Variants in TAC1 observed in about 807,000 individuals in gnomAD.
TAC1 encodes tachykinin precursor 1.
Under a neutral mutation model 21.7 loss-of-function variants are expected in TAC1, and 12 were observed. The observed-to-expected ratio is 0.55, with a 90% CI of 0.35 to 0.89. TAC1 has a LOEUF of 0.89. Ranked by LOEUF, TAC1 falls within the 40% of genes least tolerant of loss-of-function variation. The probability of loss-of-function intolerance (pLI) is 0.01; values close to 1 mark genes in which losing one functional copy is unlikely to be tolerated. For missense variants in TAC1, 128 were observed against 151.4 expected (o/e 0.85, Z 0.81); for synonymous variants, 52 against 52.0 (o/e 1.00, Z 0.00).
rs1789460655 is a variant in TAC1, at chr7:97,732,595, C to G, written c.-9-9C>G. ...CTCTTTGGTGTCTTCTCCTCCTACC[C>G]CTTCCCAGAAATCCAACATGAAAAT... On this transcript the variant is annotated splice_polypyrimidine_tract_variant and intron_variant, in intron 1 of 6. Coordinates refer to ENST00000319273, the MANE Select transcript of TAC1 (RefSeq NM_003182.3). This position sits in a 1 kb window ranked among gnomAD's most constrained non-coding sequence, Gnocchi z 6.2. The G allele has an allele frequency of 1.9e-6, 3 of 1,614,038 alleles. No individual in the cohort carries two copies. Among genetic ancestry groups the G allele is most frequent in the South Asian group, 1.1e-5 (1 of 91,072 alleles).
Position 97,734,302 on chromosome 7 carries a change from C to T in TAC1, c.265+10C>T. On this transcript the variant is annotated intron_variant, in intron 4 of 6. Transcript: ENST00000319273. The stretch of plus-strand genomic sequence containing the variant: ...TTAAAGGCTCTTTATGGTAAACATT[C>T]CTATAAATCTTTATTTTACTATTGT... The T allele has an allele frequency of 6.2e-7, 1 of 1,608,902 alleles. No individual in the cohort carries two copies. Among genetic ancestry groups the T allele is most frequent in the Non-Finnish European group, 8.5e-7 (1 of 1,175,842 alleles).
At chr7:97,735,088 A>G (rs1584417132) in intron 5 of TAC1, among the ~76,000 whole-genome samples, 1 of 152,242 alleles carries the variant, frequency 6.6e-6, no homozygotes, top group Non-Finnish European at 1.5e-5. Flanking sequence ...AGTCCCTTCA[A>G]TTGTTAGTTT....
chr7:97,736,406 T>C (rs899766346), intron 6 of TAC1, 54 bp downstream of exon 6: 44 of 1,484,400 alleles, frequency 3.0e-5, no homozygotes, highest in Non-Finnish European at 4.1e-5. Context: ...TATTTCTATT[T>C]TTTCTAAGAC....
In TAC1 at chr7:97,733,724, A is replaced by G. The variant is rs1336237071; in HGVS notation, c.125A>G (p.Glu42Gly). 6 of 1,613,684 alleles carry G rather than the reference A, an allele frequency of 3.7e-6. No homozygotes were observed. The African/African-American group carries it at 6.7e-5, about 18-fold the overall frequency. Residue 42 changes from glutamate to glycine, a missense_variant and splice_region_variant, in exon 3 of 7, where the codon GAG becomes GGG. Coordinates refer to ENST00000319273, the MANE Select transcript of TAC1 (RefSeq NM_003182.3). ...TTTGTCCGTGCTTTTGTCTCCCAGG[A>G]GGAACTGCCGGAGCCCTTTGAGCAT... ...SDWYDSDQIKEELPEPFEHLL... is the reference protein window; with the variant it reads ...SDWYDSDQIKGELPEPFEHLL...
In TAC1 at chr7:97,732,975, GGATGCC is replaced by G; in HGVS notation, c.123+241_123+246del. 1 of 429,324 alleles carries G rather than the reference GGATGCC, an allele frequency of 2.3e-6. No homozygotes were observed. The highest frequency in any genetic ancestry group is 4.1e-6 in the Non-Finnish European group (1 of 241,608). 26.6% of individuals were successfully genotyped at this position (429,324 alleles called of 1,614,324 possible). ...CCGGCCCAGGAACTCCCTGCAGTAG[GGATGCC>G]CTCCCGGATGAGCCCGAGATCCTCA... On this transcript the variant is annotated intron_variant, in intron 2 of 6. Transcript: ENST00000319273. The surrounding 1 kb of genome is among the most constrained non-coding windows in gnomAD (Gnocchi z 6.2).
At position 97,732,971 on chromosome 7, in the gene TAC1, G is replaced by GT. The variant is rs1789469941; in HGVS notation, c.123+237dup. 1.0e-5 allele frequency: 5 copies of GT among 489,018 alleles called. No individual in the cohort carries two copies. Among genetic ancestry groups the GT allele is most frequent in the Non-Finnish European group, 1.8e-5 (5 of 275,456 alleles). The allele number at this position is 489,018 out of a possible 1,614,324, so 30.3% of individuals were successfully genotyped here. ...CCGTCCGGCCCAGGAACTCCCTGCA[G>GT]TAGGGATGCCCTCCCGGATGAGCCC... On this transcript the variant is annotated intron_variant, in intron 2 of 6. Transcript: ENST00000319273. The surrounding 1 kb of genome is among the most constrained non-coding windows in gnomAD (Gnocchi z 6.2).
intron 6 of TAC1, among the ~76,000 whole-genome samples, chr7:97,737,872 C>CAAATTGT (rs1789612194): frequency 2.0e-5 from 3 of 151,942 alleles, no homozygotes; most frequent in Non-Finnish European, 4.4e-5. Flanking sequence ...ACATACTAGT[C>CAAATTGT]CTCACTTAAT....
chr7:97,734,758 T>C, intron 4 of TAC1, 68 bp from the exon 5 acceptor site: 1 of 1,170,648 alleles, frequency 8.5e-7, no homozygotes, highest in Non-Finnish European at 1.2e-6. Context: ...AATTATTTTA[T>C]AAAAGATATA....
intron 6 of TAC1, among the ~76,000 whole-genome samples, 163 bp downstream of exon 6, chr7:97,736,515 C>G (rs1707028271): frequency 6.6e-6 from 1 of 152,032 alleles, no homozygotes. Context: ...GGATTTATAG[C>G]TGGTTAAGCT....
Position 97,732,918 on chromosome 7 carries a change from C to T in TAC1, c.123+183C>T, listed in dbSNP as rs968833540. On this transcript the variant is annotated intron_variant, in intron 2 of 6. Coordinates refer to ENST00000319273, the MANE Select transcript of TAC1 (RefSeq NM_003182.3). The surrounding 1 kb of genome is among the most constrained non-coding windows in gnomAD (Gnocchi z 6.2). ...GGTTCCCCACGGGATTTTGTGCCCA[C>T]GATTCAAGTTTCTTCCCGAGGGCTG... The T allele has an allele frequency of 1.2e-6, 1 of 819,316 alleles. No individual in the cohort carries two copies. The highest frequency in any genetic ancestry group is 1.7e-5 in the African/African-American group (1 of 57,960). 50.8% of individuals were successfully genotyped at this position (819,316 alleles called of 1,614,324 possible).
chr7:97,733,557 G>A (rs940077330), intron 2 of TAC1, among the ~76,000 whole-genome samples, 166 bp from the exon 3 acceptor site: 1 of 151,656 alleles, frequency 6.6e-6, no homozygotes, highest in African/African-American at 2.4e-5. Flanking sequence ...GGCGGGGAGG[G>A]GCGCAGAGAG....
chr7:97,732,969 C>T lies in TAC1; in HGVS notation c.123+234C>T. 4.0e-6 allele frequency: 2 copies of T among 497,664 alleles called. No homozygotes were observed. Among genetic ancestry groups the T allele is most frequent in the East Asian group, 3.3e-5 (1 of 30,396 alleles). The allele number at this position is 497,664 out of a possible 1,614,324, so 30.8% of individuals were successfully genotyped here. A position where few individuals can be genotyped will look rare whatever the true frequency, so the allele number is the denominator to read the frequency against. On this transcript the variant is annotated intron_variant, in intron 2 of 6. Transcript: ENST00000319273. This position sits in a 1 kb window ranked among gnomAD's most constrained non-coding sequence, Gnocchi z 6.2. ...CACCGTCCGGCCCAGGAACTCCCTG[C>T]AGTAGGGATGCCCTCCCGGATGAGC...
chr7:97,732,876 A>G lies in TAC1; in HGVS notation c.123+141A>G. ...AGCGGTTGCGTGCGAGAGGATGGAA[A>G]GGGGCACTATTTCCCGGGTTCCCCA... On this transcript the variant is annotated intron_variant, in intron 2 of 6. Coordinates refer to ENST00000319273, the MANE Select transcript of TAC1 (RefSeq NM_003182.3). This position sits in a 1 kb window ranked among gnomAD's most constrained non-coding sequence, Gnocchi z 6.2. 8.9e-7 allele frequency: 1 copy of G among 1,127,054 alleles called. No homozygotes were observed. Among genetic ancestry groups the G allele is most frequent in the Non-Finnish European group, 1.2e-6 (1 of 810,236 alleles). The allele number at this position is 1,127,054 out of a possible 1,614,324, so 69.8% of individuals were successfully genotyped here. A position where few individuals can be genotyped will look rare whatever the true frequency, so the allele number is the denominator to read the frequency against.
chr7:97,738,166 G>A lies in TAC1; in HGVS notation c.344-1708G>A, dbSNP rs80077844. 5.1e-3 allele frequency among the ~76,000 whole-genome samples: 774 copies of A among 152,082 alleles called. 7 individuals are homozygous for A. The highest frequency in any genetic ancestry group is 0.018 in the African/African-American group (756 of 41,538). On this transcript the variant is annotated intron_variant, in intron 6 of 6. Coordinates refer to ENST00000319273, the MANE Select transcript of TAC1 (RefSeq NM_003182.3). ...ATGTGATATGATCCACAGTCAATCA[G>A]GGATCTTTTTATGTACCTCATTGAG...
intron 2 of TAC1, 125 bp from the exon 3 acceptor site, chr7:97,733,598 C>G: frequency 1.2e-6 from 1 of 842,912 alleles, no homozygotes; most frequent in Admixed American, 2.3e-5. Flanking sequence ...CCGCTCAGCC[C>G]GAGCGTGGGG....
chr7:97,732,379 G>C lies in TAC1; in HGVS notation c.-10+184G>C, dbSNP rs1789455091. ...CTGGTTTGAAGGTGTGGGTTGGTGGGTTAGGGGGCTGGGGGAGTTGGGATT... is the reference window on the plus strand; with the variant it reads ...CTGGTTTGAAGGTGTGGGTTGGTGGCTTAGGGGGCTGGGGGAGTTGGGATT... On this transcript the variant is annotated intron_variant, in intron 1 of 6. Coordinates refer to ENST00000319273, the MANE Select transcript of TAC1 (RefSeq NM_003182.3). The surrounding 1 kb of genome is among the most constrained non-coding windows in gnomAD (Gnocchi z 6.2). 6.6e-6 allele frequency among the ~76,000 whole-genome samples: 1 copy of C among 152,184 alleles called. No individual in the cohort carries two copies. Among genetic ancestry groups the C allele is most frequent in the Non-Finnish European group, 1.5e-5 (1 of 68,026 alleles).
intron 5 of TAC1, among the ~76,000 whole-genome samples, chr7:97,735,480 T>C (rs1302735063): frequency 1.3e-5 from 2 of 152,190 alleles, no homozygotes; most frequent in African/African-American, 4.8e-5. Context: ...TCTCAGTTAA[T>C]GGAACCGGAG....
intron 6 of TAC1, among the ~76,000 whole-genome samples, chr7:97,737,673 C>T (rs939302006): frequency 2.0e-5 from 3 of 151,924 alleles, no homozygotes; most frequent in Admixed American, 6.6e-5. Flanking sequence ...ATTGGGTCCC[C>T]ACTTTCTATT....
intron 3 of TAC1, 174 bp downstream of exon 3, chr7:97,733,993 G>T (rs925190295): frequency 2.0e-5 from 14 of 716,128 alleles, no homozygotes; most frequent in South Asian, 5.6e-5. Context: ...GGGCCCGCGG[G>T]GGGAGGGAAA....
Sources: allele counts gnomAD v4.1 joint callset (sites outside exome capture counted in the v4.1 genomes callset), GRCh38; gene constraint gnomAD v4.1.1; non-coding constraint Gnocchi (gnomAD v3.1); transcripts MANE v1.5; gene names NCBI Gene and HGNC (gene_info 2026-07-23, HGNC 2026-07-21).